Variants in ECE1 observed in about 807,000 individuals in gnomAD.
The protein encoded by ECE1 is endothelin converting enzyme 1, also known as endothelin-converting enzyme 1.
ECE1 carries 35 observed loss-of-function variants against 98.6 expected under a neutral mutation model. The observed-to-expected ratio is 0.35, with a 90% CI of 0.27 to 0.47. ECE1 has a LOEUF of 0.47. ECE1 is among the 20% of genes least tolerant of loss of function. ECE1 has a pLI of 1.00. For missense variants in ECE1, 814 were observed against 1,025.3 expected, an observed-to-expected ratio of 0.79 and a Z score of 2.81; for synonymous variants, 394 against 407.1, an observed-to-expected ratio of 0.97 and a Z score of 0.39.
At position 21,260,426 on chromosome 1, in the gene ECE1, C is replaced by T. The variant is rs1285484382; in HGVS notation, c.494-34G>A. The T allele has an allele frequency of 6.2e-7, 1 of 1,613,854 alleles. No homozygotes were observed. Among genetic ancestry groups the T allele is most frequent in the Admixed American group, 1.7e-5 (1 of 60,026 alleles). ...ACAGACAGTGGAGTTTGCAATGCGG[C>T]CCCACTTGCCCACTGGGTGGCTTTG... On this transcript the variant is annotated intron_variant, in intron 4 of 18. Coordinates refer to ENST00000374893, the MANE Select transcript of ECE1 (RefSeq NM_001397.3). This position sits in a 1 kb window ranked among gnomAD's most constrained non-coding sequence, Gnocchi z 4.3.
rs1311057654 is a variant in ECE1 at position 21,322,518 on chromosome 1, G to A, written c.3+22858C>T. ...AGGCGCAGGCTGAGGCACAGGTTGG[G>A]GCTGTGCCAGGCCCCCCACATGTGT... On this transcript the variant is annotated intron_variant, in intron 1 of 18. Coordinates refer to the ECE1 transcript ENST00000415912. This position sits in a 1 kb window ranked among gnomAD's most constrained non-coding sequence, Gnocchi z 4.1. 6.6e-6 allele frequency among the ~76,000 whole-genome samples: 1 copy of A among 152,228 alleles called. No homozygotes were observed. Among genetic ancestry groups the A allele is most frequent in the Admixed American group, 6.5e-5 (1 of 15,280 alleles).
At chr1:21,257,785 G>GC (rs11373995) in intron 6 of ECE1, among the ~76,000 whole-genome samples, 195 bp from the exon 7 acceptor site, 26,359 of 150,390 alleles carry the variant, frequency 0.18, 2,771 homozygotes, top group Non-Finnish European at 0.23. Flanking sequence ...TGTCCACGTG[G>GC]CCCCCCCCCG....
At chr1:21,264,452 T>A (rs1342729841) in intron 4 of ECE1, among the ~76,000 whole-genome samples, 1 of 152,054 alleles carries the variant, frequency 6.6e-6, no homozygotes, top group Non-Finnish European at 1.5e-5. Flanking sequence ...GTAGCTGGGA[T>A]TACAGGCATC....
Position 21,272,861 on chromosome 1 carries a change from T to G in ECE1, c.331A>C (p.Ile111Leu). 1 of 1,614,236 alleles carries G rather than the reference T, an allele frequency of 6.2e-7. No individual in the cohort carries two copies. The highest frequency in any genetic ancestry group is 8.5e-7 in the Non-Finnish European group (1 of 1,180,044). The part of the protein sequence containing the change: ...SEACVSVTSS[I>L]LSSMDPTVDP... Reference sequence around the variant, plus strand: ...ACTGTGGGGTCCATGGAGCTCAAGATGGAGCTGGTCACTGAGACACAAGCT... The same window carrying G: ...ACTGTGGGGTCCATGGAGCTCAAGAGGGAGCTGGTCACTGAGACACAAGCT... Residue 111 changes from isoleucine (I) to leucine (L), a missense_variant, in exon 4 of 19, where the codon ATC (isoleucine) becomes CTC (leucine). Transcript: ENST00000374893.
At chr1:21,342,706 A>T (rs1419993646) in intron 1 of ECE1, among the ~76,000 whole-genome samples, 1 of 152,140 alleles carries the variant, frequency 6.6e-6, no homozygotes, top group African/African-American at 2.4e-5. Flanking sequence ...GCCACACTGC[A>T]AAGAAGTGAG....
intron 4 of ECE1, among the ~76,000 whole-genome samples, chr1:21,269,583 T>G (rs1037019852): frequency 2.0e-5 from 3 of 152,168 alleles, no homozygotes; most frequent in African/African-American, 7.2e-5. Context: ...GAAGTCTGGG[T>G]TGGAACTCAC....
intron 8 of ECE1, among the ~76,000 whole-genome samples, chr1:21,253,726 G>A (rs922341158): frequency 1.2e-4 from 18 of 147,716 alleles, no homozygotes; most frequent in Non-Finnish European, 2.5e-4. Flanking sequence ...TGGCGCCACT[G>A]CACTCCAGCC....
intron 7 of ECE1, 127 bp downstream of exon 7, chr1:21,257,398 T>C: frequency 9.7e-7 from 1 of 1,035,904 alleles, no homozygotes; most frequent in South Asian, 1.4e-5. Context: ...GTCTGCCTGT[T>C]TCACCCATCA....
At chr1:21,284,536 A>C (rs1307714623) in intron 2 of ECE1, among the ~76,000 whole-genome samples, 3 of 152,242 alleles carry the variant, frequency 2.0e-5, no homozygotes, top group Non-Finnish European at 4.4e-5. Context: ...AAAGAGCGAG[A>C]GAGCTAGAGT....
chr1:21,333,656 A>G (rs1346103333), intron 1 of ECE1, among the ~76,000 whole-genome samples: 1 of 152,130 alleles, frequency 6.6e-6, no homozygotes, highest in East Asian at 1.9e-4. Context: ...AACATGGTGA[A>G]ACCCCGTCTC....
rs1057053225 is a variant in ECE1, at chr1:21,345,188, G to C, written c.3+188C>G. ...CGACGGGACCAAGCGCAGCGCCGCC[G>C]GGAGAGCCGCGCTCTGCCCGGGCGC... is the stretch of plus-strand genomic sequence containing the variant. On this transcript the variant is annotated intron_variant, in intron 1 of 18. Coordinates refer to the ECE1 transcript ENST00000415912. The surrounding 1 kb of genome is among the most constrained non-coding windows in gnomAD (Gnocchi z 5.1). The C allele has an allele frequency of 1.8e-5, 14 of 758,784 alleles. No homozygotes were observed. The African/African-American group carries it at 2.2e-4, about 12-fold the overall frequency. 47.0% of individuals were successfully genotyped at this position (758,784 alleles called of 1,614,324 possible). A position where few individuals can be genotyped will look rare whatever the true frequency, so the allele number is the denominator to read the frequency against.
At chr1:21,286,750 C>A (rs1056454704) in intron 2 of ECE1, among the ~76,000 whole-genome samples, 1 of 151,648 alleles carries the variant, frequency 6.6e-6, no homozygotes, top group African/African-American at 2.4e-5. Flanking sequence ...CATGGCAAAA[C>A]CCCATCTCTA....
Position 21,289,929 on chromosome 1 carries a change from C to T in ECE1, c.138+141G>A, listed in dbSNP as rs1346200133. 6 of 1,076,754 alleles carry T rather than the reference C, an allele frequency of 5.6e-6. No individual in the cohort carries two copies. The African/African-American group carries it at 9.4e-5, about 17-fold the overall frequency. The allele number at this position is 1,076,754 out of a possible 1,614,324, so 66.7% of individuals were successfully genotyped here. On this transcript the variant is annotated intron_variant, in intron 2 of 18. Transcript: ENST00000374893. ...GCGGAGCTCCAGCTGCGGGGAGGCG[C>T]GGCCCCTCCCGGATGCCGGGACGAG... is the stretch of plus-strand genomic sequence containing the variant.
Position 21,303,645 on chromosome 1 carries a change from TTTG to T in ECE1, c.4-13492_4-13490del, listed in dbSNP as rs912797480. 4.6e-5 allele frequency among the ~76,000 whole-genome samples: 7 copies of T among 152,142 alleles called. No homozygotes were observed. The East Asian group carries it at 1.2e-3, about 25-fold the overall frequency. ...TTATTTGGCCTACGGCACTAGGAAT[TTTG>T]TTGTTGTTGTTGTTTTTTGAGACAG... On this transcript the variant is annotated intron_variant, in intron 1 of 18. Coordinates refer to the ECE1 transcript ENST00000415912.
At chr1:21,313,904 G>A (rs897654695) in intron 1 of ECE1, among the ~76,000 whole-genome samples, 1 of 152,162 alleles carries the variant, frequency 6.6e-6, no homozygotes, top group African/African-American at 2.4e-5. Flanking sequence ...CGGAGAACGG[G>A]TACGAGCAGC....
chr1:21,222,765 C>A (rs1258179290), intron 17 of ECE1, among the ~76,000 whole-genome samples: 2 of 141,046 alleles, frequency 1.4e-5, no homozygotes, highest in African/African-American at 2.7e-5. Context: ...TCACTTGAAC[C>A]AGGAAGGCAG....
chr1:21,245,169 T>A (rs1448957195), intron 9 of ECE1, 66 bp from the exon 10 acceptor site: 3 of 1,425,828 alleles, frequency 2.1e-6, no homozygotes, highest in Non-Finnish European at 2.9e-6. Flanking sequence ...GCCCTTCCCC[T>A]GCTGGCCCCT....
chr1:21,314,393 G>C (rs556686906), intron 1 of ECE1, among the ~76,000 whole-genome samples: 1 of 152,320 alleles, frequency 6.6e-6, no homozygotes, highest in East Asian at 1.9e-4. Context: ...TCTCCCTCCA[G>C]GGCTTGGCTC....
intron 4 of ECE1, among the ~76,000 whole-genome samples, chr1:21,271,764 A>G (rs2098240493): frequency 6.6e-6 from 1 of 152,074 alleles, no homozygotes; most frequent in Non-Finnish European, 1.5e-5. Context: ...CTGAGGAAAA[A>G]CCATCAACAC....
Sources: gnomAD v4.1 joint callset for allele counts (sites outside exome capture counted in the v4.1 genomes callset) on GRCh38, gnomAD v4.1.1 for gene constraint, Gnocchi (gnomAD v3.1) non-coding constraint, MANE v1.5 for transcripts, NCBI Gene and HGNC (gene_info 2026-07-23, HGNC 2026-07-21) for gene names.